The following FNDC1 variants were observed in gnomAD, a reference collection of about 807,000 sequenced individuals.
FNDC1 encodes fibronectin type III domain containing 1.
FNDC1 carries 96 observed loss-of-function variants against 168.0 expected under a neutral mutation model. The observed-to-expected ratio is 0.57, with a 90% CI of 0.48 to 0.68. FNDC1 has a LOEUF of 0.68. Ranked by LOEUF, FNDC1 falls within the 30% of genes least tolerant of loss-of-function variation. FNDC1 has a pLI of 0.00. For missense variants in FNDC1, 2,587 were observed against 2,482.1 expected (o/e 1.04, Z -0.90); for synonymous variants, 1,099 against 1,025.9 (o/e 1.07, Z -1.36).
rs554347705 is a variant in FNDC1 at position 159,214,870 on chromosome 6, G to T, written c.461-75G>T. 99 of 1,308,118 alleles carry T rather than the reference G, an allele frequency of 7.6e-5. No individual in the cohort carries two copies. The African/African-American group carries it at 1.3e-3, about 17-fold the overall frequency. The allele number at this position is 1,308,118 out of a possible 1,614,324, so 81.0% of individuals were successfully genotyped here. A position where few individuals can be genotyped will look rare whatever the true frequency, so the allele number is the denominator to read the frequency against. ...AGCTAATTGTTGAGGCTCAGGGTCT[G>T]AAGACCTCATGTGCATGATGGCAAA... is the stretch of plus-strand genomic sequence containing the variant. On this transcript the variant is annotated intron_variant, in intron 4 of 22. Transcript: ENST00000297267.
Position 159,239,892 on chromosome 6 carries a change from G to C in FNDC1, c.4556G>C (p.Arg1519Pro). The C allele has an allele frequency of 6.5e-7, 1 of 1,534,736 alleles. No individual in the cohort carries two copies. Among genetic ancestry groups the C allele is most frequent in the Non-Finnish European group, 8.8e-7 (1 of 1,137,754 alleles). The change falls in exon 14 of 23, where the codon CGG becomes CCG. Residue 1519 changes from arginine (R) to proline (P), a missense_variant. Coordinates refer to ENST00000297267, the MANE Select transcript of FNDC1 (RefSeq NM_032532.3). ...ACCTGTCCCCCTGGGACCTTGGAAC[G>C]GCACGACGATGATGGCAACCTGATA... Reference protein sequence around the residue: ...IPTCPPGTLERHDDDGNLIMS... With the variant: ...IPTCPPGTLEPHDDDGNLIMS...
At chr6:159,253,648 A>G (rs1777316954) in intron 17 of FNDC1, among the ~76,000 whole-genome samples, 2 of 152,242 alleles carry the variant, frequency 1.3e-5, no homozygotes, top group African/African-American at 4.8e-5. Context: ...TCTGTAGGAA[A>G]TCACCAACGT....
chr6:159,242,182 G>A (rs1010168095), intron 14 of FNDC1, among the ~76,000 whole-genome samples: 2 of 152,192 alleles, frequency 1.3e-5, no homozygotes, highest in Non-Finnish European at 2.9e-5. Context: ...GTGCTTTGCA[G>A]GGACATGGAT....
chr6:159,174,937 G>A (rs1781733016), intron 1 of FNDC1, among the ~76,000 whole-genome samples: 1 of 152,170 alleles, frequency 6.6e-6, no homozygotes, highest in Non-Finnish European at 1.5e-5. Context: ...TGTATCCAGA[G>A]AGGATAATAT....
chr6:159,243,746 A>G (rs2115005979), intron 14 of FNDC1, among the ~76,000 whole-genome samples: 1 of 152,268 alleles, frequency 6.6e-6, no homozygotes, highest in Admixed American at 6.5e-5. Flanking sequence ...TTTTAATTGT[A>G]AATATATTTC....
chr6:159,271,699 C>G lies in FNDC1; in HGVS notation c.*257C>G, dbSNP rs2115041549. The G allele has an allele frequency of 3.0e-6, 1 of 334,978 alleles. No individual in the cohort carries two copies. The highest frequency in any genetic ancestry group is 3.6e-5 in the South Asian group (1 of 28,014). 20.8% of individuals were successfully genotyped at this position (334,978 alleles called of 1,614,324 possible). On this transcript the variant is annotated 3_prime_UTR_variant, in exon 23 of 23. Transcript: ENST00000297267. ...TTTTGTTTGTTTGTAATAGCACATC[C>G]CAGAGACATCAGAAACCAGCAACTG...
chr6:159,265,052 A>G, intron 20 of FNDC1, 48 bp downstream of exon 20: 1 of 1,478,282 alleles, frequency 6.8e-7, no homozygotes, highest in Non-Finnish European at 9.3e-7. Context: ...ATCAAGTTGA[A>G]TATTGAATAT....
intron 9 of FNDC1, among the ~76,000 whole-genome samples, chr6:159,226,903 C>T (rs1267319008): frequency 6.6e-6 from 1 of 152,132 alleles, no homozygotes; most frequent in African/African-American, 2.4e-5. Flanking sequence ...TTTCGTTGTG[C>T]TAGGAAGATC....
intron 13 of FNDC1, 96 bp downstream of exon 13, chr6:159,238,761 G>T: frequency 2.4e-6 from 2 of 829,582 alleles, no homozygotes; most frequent in South Asian, 3.7e-5. Context: ...ATAATGAATG[G>T]TCATGGGTTA....
chr6:159,269,237 CTAT>C (rs1777664835), intron 22 of FNDC1, among the ~76,000 whole-genome samples: 1 of 138,872 alleles, frequency 7.2e-6, no homozygotes, highest in Non-Finnish European at 1.5e-5. Context: ...ATCTATCTAT[CTAT>C]CTATCTATCC....
intron 17 of FNDC1, among the ~76,000 whole-genome samples, chr6:159,252,079 G>A (rs1308856224): frequency 1.3e-5 from 2 of 152,156 alleles, no homozygotes; most frequent in African/African-American, 4.8e-5. Context: ...AATAGGAGGT[G>A]ATGAAAAAAT....
At chr6:159,208,844 ATT>A (rs369408600) in intron 4 of FNDC1, among the ~76,000 whole-genome samples, 88 of 128,066 alleles carry the variant, frequency 6.9e-4, no homozygotes, top group African/African-American at 1.3e-3. Context: ...GTTATTTTTA[ATT>A]TTTTTTTTTT....
intron 1 of FNDC1, among the ~76,000 whole-genome samples, chr6:159,179,636 C>G (rs1471977332): frequency 1.3e-5 from 2 of 152,188 alleles, no homozygotes; most frequent in Non-Finnish European, 2.9e-5. Flanking sequence ...CTCATCAACA[C>G]CCGGCATTTC....
At chr6:159,190,904 C>T (rs1215773688) in intron 1 of FNDC1, among the ~76,000 whole-genome samples, 2 of 152,102 alleles carry the variant, frequency 1.3e-5, no homozygotes, top group African/African-American at 2.4e-5. Context: ...TGTATCAGTT[C>T]GTTCTCACGC....
chr6:159,247,911 T>C (rs1464670854), intron 15 of FNDC1, among the ~76,000 whole-genome samples: 1 of 152,236 alleles, frequency 6.6e-6, no homozygotes, highest in Non-Finnish European at 1.5e-5. Context: ...TAAAGGAATC[T>C]TGTCCACACC....
In FNDC1 at chr6:159,256,505, T is replaced by C; in HGVS notation, c.5066-18T>C. ...GGTTCCTTGGTGTCCATTGGGTTTTTCCTGTTTCCATTTTCAGGTTACTTG... is the reference window on the plus strand; with the variant it reads ...GGTTCCTTGGTGTCCATTGGGTTTTCCCTGTTTCCATTTTCAGGTTACTTG... On this transcript the variant is annotated intron_variant, in intron 17 of 22. Transcript: ENST00000297267. 1 of 1,591,180 alleles carries C rather than the reference T, an allele frequency of 6.3e-7. No individual in the cohort carries two copies. Among genetic ancestry groups the C allele is most frequent in the East Asian group, 2.2e-5 (1 of 44,762 alleles).
chr6:159,206,070 T>C (rs1036140685), intron 4 of FNDC1, among the ~76,000 whole-genome samples: 1 of 152,250 alleles, frequency 6.6e-6, no homozygotes, highest in Non-Finnish European at 1.5e-5. Flanking sequence ...TGTCAACTTA[T>C]TTAAACTGAC....
Position 159,239,769 on chromosome 6 carries a change from C to T in FNDC1, c.4433C>T (p.Thr1478Ile). The T allele has an allele frequency of 6.6e-7, 1 of 1,519,602 alleles. No individual in the cohort carries two copies. Among genetic ancestry groups the T allele is most frequent in the Non-Finnish European group, 8.9e-7 (1 of 1,125,502 alleles). 94.1% of individuals were successfully genotyped at this position (1,519,602 alleles called of 1,614,324 possible). A position where few individuals can be genotyped will look rare whatever the true frequency, so the allele number is the denominator to read the frequency against. The change falls in exon 14 of 23, where the codon ACC becomes ATC. Residue 1478 changes from threonine to isoleucine, a missense_variant. Thr to Ile is a moderately conservative substitution (Grantham distance 89). Coordinates refer to ENST00000297267, the MANE Select transcript of FNDC1 (RefSeq NM_032532.3). ...PTTATTRRTT[T>I]TRRTTTRRPT... is the part of the protein sequence containing the mutation. ...ACTGCCACCACCCGCCGCACGACCA[C>T]CACCCGCCGCACGACCACCAGGCGT... is the stretch of plus-strand genomic sequence containing the variant.
chr6:159,229,068 T>A (rs901900859), intron 9 of FNDC1, among the ~76,000 whole-genome samples: 10 of 152,216 alleles, frequency 6.6e-5, no homozygotes, highest in Non-Finnish European at 1.2e-4. Context: ...AATTATTTTT[T>A]AAAATATTAT....
Sources: allele counts gnomAD v4.1 joint callset (sites outside exome capture counted in the v4.1 genomes callset), GRCh38; gene constraint gnomAD v4.1.1; transcripts MANE v1.5; gene names NCBI Gene and HGNC (gene_info 2026-07-23, HGNC 2026-07-21).